The following KPNA4 variants were observed in gnomAD, a reference collection of about 807,000 sequenced individuals.
KPNA4 encodes karyopherin subunit alpha 4, also known as importin subunit alpha-3.
Under a neutral mutation model 71.3 loss-of-function variants are expected in KPNA4, and 13 were observed. The ratio of observed to expected loss-of-function variants is 0.18; its 90% CI spans 0.12 to 0.29. The LOEUF (loss-of-function observed/expected upper bound fraction) is 0.29. Ranked by LOEUF, KPNA4 falls within the 10% of genes least tolerant of loss-of-function variation. KPNA4 has a pLI of 1.00. For missense variants in KPNA4, 334 were observed against 603.2 expected, an observed-to-expected ratio of 0.55 and a Z score of 4.67; for synonymous variants, 189 against 195.2, an observed-to-expected ratio of 0.97 and a Z score of 0.26.
chr3:160,556,438 C>T (rs966985659), intron 1 of KPNA4, among the ~76,000 whole-genome samples: 2 of 152,166 alleles, frequency 1.3e-5, no homozygotes, highest in Non-Finnish European at 2.9e-5. Context: ...TCTCATCATG[C>T]TTTAGAGCTG....
rs1049849226 is a variant in KPNA4 at position 160,500,846 on chromosome 3, C to T, written c.*1258G>A. 3 of 152,524 alleles carry T rather than the reference C, an allele frequency of 2.0e-5. No homozygotes were observed. Among genetic ancestry groups the T allele is most frequent in the Non-Finnish European group, 4.4e-5 (3 of 68,012 alleles). 9.4% of individuals were successfully genotyped at this position (152,524 alleles called of 1,614,324 possible). On this transcript the variant is annotated 3_prime_UTR_variant, in exon 17 of 17. Transcript: ENST00000334256. The stretch of plus-strand genomic sequence containing the variant: ...CACCAAATTCCATTTTAGAAGTTTC[C>T]ATATCATTTTCATAGAAAACAAAGT...
chr3:160,556,278 T>G (rs1244090962), intron 1 of KPNA4, among the ~76,000 whole-genome samples: 1 of 152,230 alleles, frequency 6.6e-6, no homozygotes, highest in Admixed American at 6.5e-5. Flanking sequence ...CTGTTTAACT[T>G]TTTGAGGAAC....
intron 11 of KPNA4, among the ~76,000 whole-genome samples, chr3:160,516,114 G>A (rs1490956362): frequency 6.6e-6 from 1 of 152,068 alleles, no homozygotes; most frequent in Non-Finnish European, 1.5e-5. Flanking sequence ...AGCCTCCTGA[G>A]CAGCTGGGAT....
chr3:160,503,541 T>A (rs146978992), intron 16 of KPNA4, among the ~76,000 whole-genome samples: 1,853 of 152,296 alleles, frequency 0.012, 20 homozygotes, highest in Middle Eastern at 0.02. Context: ...TTATTATTAT[T>A]ATATACATTA....
In KPNA4 at chr3:160,512,586, C is replaced by T. The variant is rs560295462; in HGVS notation, c.1137+1491G>A. Among the ~76,000 whole-genome samples the T allele has an allele frequency of 1.2e-3, 187 of 152,198 alleles. 1 individual carries two copies. The highest frequency in any genetic ancestry group is 3.7e-3 in the Admixed American group (56 of 15,294). ...TAGCTGATAAAGAAATGCTCTTGGCCGGGCATGGATGGCTCACACCTGATC... is the reference window on the plus strand; with the variant it reads ...TAGCTGATAAAGAAATGCTCTTGGCTGGGCATGGATGGCTCACACCTGATC... On this transcript the variant is annotated intron_variant, in intron 13 of 16. Transcript: ENST00000334256.
At chr3:160,532,641 T>C (rs1288781013) in intron 5 of KPNA4, among the ~76,000 whole-genome samples, 1 of 152,220 alleles carries the variant, frequency 6.6e-6, no homozygotes, top group African/African-American at 2.4e-5. Context: ...ATCATATCTT[T>C]ACCCACTGGA....
chr3:160,543,307 A>G (rs1186762954), intron 1 of KPNA4, among the ~76,000 whole-genome samples: 2 of 152,124 alleles, frequency 1.3e-5, no homozygotes, highest in Admixed American at 6.5e-5. Context: ...AGAGAATTCA[A>G]TGGATCTCTG....
intron 1 of KPNA4, among the ~76,000 whole-genome samples, chr3:160,540,475 C>T (rs1309750299): frequency 6.6e-6 from 1 of 152,062 alleles, no homozygotes; most frequent in East Asian, 1.9e-4. Flanking sequence ...TTTGACAATC[C>T]CTTCATTATA....
At chr3:160,534,375 A>AT (rs1388752720) in intron 5 of KPNA4, among the ~76,000 whole-genome samples, 7 of 152,120 alleles carry the variant, frequency 4.6e-5, no homozygotes, top group Non-Finnish European at 1.5e-5. Flanking sequence ...TCAGTAATAG[A>AT]TTTTTCTGCC....
intron 1 of KPNA4, among the ~76,000 whole-genome samples, chr3:160,541,396 G>A (rs558879362): frequency 1.3e-5 from 2 of 151,764 alleles, no homozygotes; most frequent in South Asian, 2.1e-4. Flanking sequence ...ATTTCACCCA[G>A]CCTGACTTTC....
At chr3:160,506,894 A>C (rs1720994170) in intron 15 of KPNA4, among the ~76,000 whole-genome samples, 1 of 152,174 alleles carries the variant, frequency 6.6e-6, no homozygotes, top group Non-Finnish European at 1.5e-5. Flanking sequence ...ATTTCTTACT[A>C]CATTAATTTT....
intron 1 of KPNA4, among the ~76,000 whole-genome samples, chr3:160,539,271 A>C (rs1163184295): frequency 1.3e-5 from 2 of 152,190 alleles, no homozygotes; most frequent in African/African-American, 4.8e-5. Flanking sequence ...GATTTTTTAA[A>C]ACACCAGGAG....
Position 160,509,886 on chromosome 3 carries a change from A to C in KPNA4, c.1138-15T>G. 1 of 1,588,422 alleles carries C rather than the reference A, an allele frequency of 6.3e-7. No homozygotes were observed. Among genetic ancestry groups the C allele is most frequent in the Admixed American group, 1.7e-5 (1 of 59,460 alleles). On this transcript the variant is annotated splice_polypyrimidine_tract_variant and intron_variant, in intron 13 of 16. Transcript: ENST00000334256. ...CCAAAATCCCCCTGTAAAAAGGCAA[A>C]ACAAAGGCTATAAAAATTGCCACAT...
Position 160,556,336 on chromosome 3 carries a change from G to A in KPNA4, c.69+8878C>T, listed in dbSNP as rs1442303030. Among the ~76,000 whole-genome samples, 3 of 151,386 alleles carry A rather than the reference G, an allele frequency of 2.0e-5. No individual in the cohort carries two copies. The East Asian group carries it at 5.8e-4, about 29-fold the overall frequency. ...GCCGTACCATTTTACATTCCCATCAGGCATGTATGAGGGTTCCACTTTCTC... is the reference window on the plus strand; with the variant it reads ...GCCGTACCATTTTACATTCCCATCAAGCATGTATGAGGGTTCCACTTTCTC... On this transcript the variant is annotated intron_variant, in intron 1 of 16. Transcript: ENST00000334256.
intron 13 of KPNA4, among the ~76,000 whole-genome samples, chr3:160,511,024 C>CAAGTGATCTA (rs1721081492): frequency 6.6e-6 from 1 of 151,966 alleles, no homozygotes; most frequent in African/African-American, 2.4e-5. Context: ...CTCCTGACCT[C>CAAGTGATCTA]AAGTGATCTG....
chr3:160,519,688 G>A (rs1208354400), intron 11 of KPNA4, among the ~76,000 whole-genome samples: 1 of 151,322 alleles, frequency 6.6e-6, no homozygotes, highest in Non-Finnish European at 1.5e-5. Context: ...CCAGCTACTG[G>A]GGAGGCTGAG....
intron 1 of KPNA4, among the ~76,000 whole-genome samples, chr3:160,550,706 T>C (rs1328126360): frequency 6.6e-6 from 1 of 152,232 alleles, no homozygotes; most frequent in African/African-American, 2.4e-5. Context: ...GTTTTTATCA[T>C]GAAAGGGCAC....
At chr3:160,513,372 T>C (rs1270647643) in intron 13 of KPNA4, among the ~76,000 whole-genome samples, 1 of 149,030 alleles carries the variant, frequency 6.7e-6, no homozygotes, top group East Asian at 2.0e-4. Flanking sequence ...CCTCCCACCG[T>C]AGCTTCCCAA....
chr3:160,502,670 C>T (rs1258196852), intron 16 of KPNA4, among the ~76,000 whole-genome samples: 11 of 152,028 alleles, frequency 7.2e-5, no homozygotes, highest in Admixed American at 6.6e-4. Flanking sequence ...AGTGCCTACC[C>T]AAGACTTTTT....
Sources: gnomAD v4.1 joint callset for allele counts (sites outside exome capture counted in the v4.1 genomes callset) on GRCh38, gnomAD v4.1.1 for gene constraint, MANE v1.5 for transcripts, NCBI Gene and HGNC (gene_info 2026-07-23, HGNC 2026-07-21) for gene names.